The following TMEM117 variants were observed in gnomAD, a reference collection of about 807,000 sequenced individuals.
The protein encoded by TMEM117 is transmembrane protein 117.
TMEM117 carries 27 observed loss-of-function variants against 52.4 expected under a neutral mutation model. That is an observed-to-expected ratio of 0.51 (90% CI 0.38 to 0.71). The LOEUF (loss-of-function observed/expected upper bound fraction) is 0.71. Ranked by LOEUF, TMEM117 falls within the 30% of genes least tolerant of loss-of-function variation. The pLI is 0.00. For missense variants in TMEM117, 556 were observed against 630.5 expected, an observed-to-expected ratio of 0.88 and a Z score of 1.26; for synonymous variants, 215 against 206.3, an observed-to-expected ratio of 1.04 and a Z score of -0.36.
intron 5 of TMEM117, among the ~76,000 whole-genome samples, chr12:44,242,964 G>T (rs919865137): frequency 9.2e-5 from 14 of 151,768 alleles, no homozygotes; most frequent in Admixed American, 3.9e-4. Context: ...GACTTGTGTG[G>T]TATCTCACTG....
the TMEM117 span, among the ~76,000 whole-genome samples, chr12:43,829,550 A>C: frequency 6.6e-6 from 1 of 152,240 alleles, no homozygotes; most frequent in Non-Finnish European, 1.5e-5. Context: ...ACCTTGGGTT[A>C]GGTCTATCAA....
At chr12:44,169,574 A>G (rs112063296) in intron 4 of TMEM117, among the ~76,000 whole-genome samples, 3 of 152,210 alleles carry the variant, frequency 2.0e-5, no homozygotes, top group African/African-American at 7.2e-5. Flanking sequence ...TTTAGGAGTT[A>G]TTTATATATT....
intron 4 of TMEM117, among the ~76,000 whole-genome samples, chr12:44,188,444 A>T (rs1949306516): frequency 6.6e-6 from 1 of 152,156 alleles, no homozygotes; most frequent in African/African-American, 2.4e-5. Flanking sequence ...TTTCTAGAGT[A>T]AGTCAGCCCT....
At chr12:44,374,614 A>ATT (rs1184079970) in intron 6 of TMEM117, among the ~76,000 whole-genome samples, 1 of 119,520 alleles carries the variant, frequency 8.4e-6, no homozygotes, top group African/African-American at 3.2e-5. Flanking sequence ...TCAAGGAACT[A>ATT]TTTGTGTGTG....
chr12:44,384,078 C>T (rs1465400048), intron 7 of TMEM117, among the ~76,000 whole-genome samples: 2 of 152,108 alleles, frequency 1.3e-5, no homozygotes, highest in Non-Finnish European at 2.9e-5. Context: ...CCTGACTTCA[C>T]CTTCTGCTTT....
the TMEM117 span, among the ~76,000 whole-genome samples, chr12:43,830,567 G>A: frequency 6.7e-6 from 1 of 149,396 alleles, no homozygotes; most frequent in African/African-American, 2.5e-5. Flanking sequence ...CCGAGATCAT[G>A]CCACTGCACT....
chr12:44,058,985 T>G (rs908087590), intron 3 of TMEM117, among the ~76,000 whole-genome samples: 2 of 152,186 alleles, frequency 1.3e-5, no homozygotes, highest in African/African-American at 4.8e-5. Context: ...GCATATGGTT[T>G]AGGGAAGAAA....
intron 2 of TMEM117, among the ~76,000 whole-genome samples, chr12:43,922,804 T>C (rs1455459922): frequency 6.6e-6 from 1 of 152,188 alleles, no homozygotes; most frequent in Non-Finnish European, 1.5e-5. Context: ...CTGATGTTTT[T>C]AAGTCCCTTA....
intron 3 of TMEM117, among the ~76,000 whole-genome samples, chr12:44,029,432 A>G (rs1016134284): frequency 7.2e-5 from 11 of 152,202 alleles, no homozygotes; most frequent in Non-Finnish European, 1.3e-4. Context: ...ATCATGGGAC[A>G]TGGGGAACTT....
At chr12:44,183,424 G>A (rs559135406) in intron 4 of TMEM117, among the ~76,000 whole-genome samples, 2 of 152,256 alleles carry the variant, frequency 1.3e-5, no homozygotes, top group African/African-American at 2.4e-5. Flanking sequence ...TAATTATAAA[G>A]TGCTTTATAA....
intron 3 of TMEM117, among the ~76,000 whole-genome samples, chr12:43,989,470 T>C (rs1268350695): frequency 6.6e-6 from 1 of 152,114 alleles, no homozygotes; most frequent in African/African-American, 2.4e-5. Context: ...AATCTTATTC[T>C]ACATTCTATA....
In TMEM117 at chr12:44,305,175, C is replaced by T. The variant is rs76151080; in HGVS notation, c.768+5436C>T. On this transcript the variant is annotated intron_variant, in intron 6 of 7. Coordinates refer to ENST00000266534, the MANE Select transcript of TMEM117 (RefSeq NM_032256.3). ...TGTGTGAACATCAGCAGTAGCCAGGCAGTACTTGCCATGGGCCTGGGGCAG... is the reference window on the plus strand; with the variant it reads ...TGTGTGAACATCAGCAGTAGCCAGGTAGTACTTGCCATGGGCCTGGGGCAG... Among the ~76,000 whole-genome samples, 1,511 of 152,258 alleles carry T rather than the reference C, an allele frequency of 9.9e-3. 28 individuals are homozygous for T. The highest frequency in any genetic ancestry group is 0.034 in the African/African-American group (1,427 of 41,538).
rs928912563 is a variant in TMEM117, at chr12:44,375,546, G to C, written c.769-1049G>C. 2.0e-5 allele frequency among the ~76,000 whole-genome samples: 3 copies of C among 152,076 alleles called. No homozygotes were observed. The South Asian group carries it at 6.2e-4, about 32-fold the overall frequency. ...GAATAGACATGGAAACCTCTAAAAA[G>C]TTTAGGCACTATATTACTAGCACAT... On this transcript the variant is annotated intron_variant, in intron 6 of 7. Coordinates refer to ENST00000266534, the MANE Select transcript of TMEM117 (RefSeq NM_032256.3).
intron 6 of TMEM117, among the ~76,000 whole-genome samples, chr12:44,330,121 AG>A (rs909640030): frequency 6.6e-6 from 1 of 152,014 alleles, no homozygotes; most frequent in Non-Finnish European, 1.5e-5. Context: ...TCAATGCACA[AG>A]GGTTCCAATT....
intron 3 of TMEM117, among the ~76,000 whole-genome samples, chr12:44,106,133 C>T (rs943621073): frequency 1.3e-5 from 2 of 151,968 alleles, no homozygotes; most frequent in Admixed American, 1.3e-4. Context: ...TCTGTCTTTC[C>T]AGTTTTGGGG....
At chr12:44,314,622 A>G (rs1951032197) in intron 6 of TMEM117, among the ~76,000 whole-genome samples, 2 of 146,902 alleles carry the variant, frequency 1.4e-5, no homozygotes, top group South Asian at 4.2e-4. Context: ...GTTGGAGTGC[A>G]GTGGCGCAAT....
At chr12:44,202,940 C>T (rs778616325) in intron 4 of TMEM117, among the ~76,000 whole-genome samples, 1 of 152,002 alleles carries the variant, frequency 6.6e-6, no homozygotes, top group East Asian at 1.9e-4. Context: ...AGGTGTGTAC[C>T]ACCACGCCTG....
At position 44,246,178 on chromosome 12, in the gene TMEM117, A is replaced by G. The variant is rs544691419; in HGVS notation, c.608+34791A>G. Among the ~76,000 whole-genome samples the G allele has an allele frequency of 6.6e-5, 10 of 152,276 alleles. No homozygotes were observed. The East Asian group carries it at 1.7e-3, about 26-fold the overall frequency. ...TAAAGGTAGGAGTTTTATTTTTGCA[A>G]GTACAGTAATGGACACTTTACTATT... On this transcript the variant is annotated intron_variant, in intron 5 of 7. Transcript: ENST00000266534.
At chr12:44,301,170 A>T (rs991398573) in intron 6 of TMEM117, among the ~76,000 whole-genome samples, 1 of 152,186 alleles carries the variant, frequency 6.6e-6, no homozygotes, top group African/African-American at 2.4e-5. Flanking sequence ...TTGATTGTCC[A>T]TTACCATCCT....
Sources: gnomAD v4.1 joint callset for allele counts (sites outside exome capture counted in the v4.1 genomes callset) on GRCh38, gnomAD v4.1.1 for gene constraint, MANE v1.5 for transcripts, NCBI Gene and HGNC (gene_info 2026-07-23, HGNC 2026-07-21) for gene names.